Variants in GNA14 observed in about 807,000 individuals in gnomAD.
GNA14 encodes the protein guanine nucleotide-binding protein subunit alpha-14.
A neutral mutation model predicts 42.0 loss-of-function variants in GNA14; 50 were observed. The observed-to-expected ratio is 1.19, with a 90% CI of 0.95 to 1.51. The LOEUF (loss-of-function observed/expected upper bound fraction) is 1.51, where lower values mean the gene tolerates loss of function less well. Ranked by LOEUF, GNA14 falls within the 40% of genes most tolerant of loss-of-function variation. GNA14 has a pLI of 0.00. For missense variants in GNA14, 473 were observed against 446.2 expected (o/e 1.06, Z -0.54); for synonymous variants, 173 against 163.1 (o/e 1.06, Z -0.46).
At chr9:77,552,126 CAAAAAAAA>C (rs34493872) in intron 1 of GNA14, among the ~76,000 whole-genome samples, 17 of 85,092 alleles carry the variant, frequency 2.0e-4, no homozygotes, top group Admixed American at 1.3e-3. Context: ...AACTCCATCT[CAAAAAAAA>C]AAAAAAAAAA....
intron 2 of GNA14, among the ~76,000 whole-genome samples, chr9:77,444,989 C>T (rs1057374405): frequency 8.5e-5 from 13 of 152,232 alleles, no homozygotes; most frequent in Non-Finnish European, 1.5e-4. Context: ...TTCAGAATTA[C>T]AGCTATCCTT....
chr9:77,477,537 A>C (rs1046109692), intron 2 of GNA14, among the ~76,000 whole-genome samples: 63 of 152,296 alleles, frequency 4.1e-4, no homozygotes, highest in Middle Eastern at 3.4e-3. Flanking sequence ...TTGAAGTCTC[A>C]TAATAGGCCA....
At chr9:77,550,767 T>C (rs1837777665) in intron 1 of GNA14, among the ~76,000 whole-genome samples, 1 of 152,240 alleles carries the variant, frequency 6.6e-6, no homozygotes, top group South Asian at 2.1e-4. Context: ...TGAGATGGGC[T>C]TGACAAGGCT....
At chr9:77,602,497 A>T (rs1177191516) in intron 1 of GNA14, among the ~76,000 whole-genome samples, 1 of 152,148 alleles carries the variant, frequency 6.6e-6, no homozygotes, top group Non-Finnish European at 1.5e-5. Flanking sequence ...CTAGAATATT[A>T]CCCACTAGCC....
chr9:77,494,162 A>G (rs971083273), intron 2 of GNA14, among the ~76,000 whole-genome samples: 3 of 152,092 alleles, frequency 2.0e-5, no homozygotes, highest in East Asian at 1.9e-4. Context: ...AGCTCAGGCA[A>G]TCTGCCCACC....
At chr9:77,503,218 T>G (rs1837003558) in intron 2 of GNA14, among the ~76,000 whole-genome samples, 1 of 152,240 alleles carries the variant, frequency 6.6e-6, no homozygotes, top group Non-Finnish European at 1.5e-5. Context: ...TTTTTAATTC[T>G]CAAATAGGAC....
rs147744166 is a variant in GNA14 at position 77,528,123 on chromosome 9, T to C, written c.309+946A>G. Among the ~76,000 whole-genome samples, 7 of 152,294 alleles carry C rather than the reference T, an allele frequency of 4.6e-5. No individual in the cohort carries two copies. In the East Asian group the frequency reaches 1.3e-3, roughly 29 times the overall value. ...TAATCCCATAGAAATTTAAACTGAT[T>C]GCTTTAAAACTTTTTTTAATCATAT... On this transcript the variant is annotated intron_variant, in intron 2 of 6. Coordinates refer to ENST00000341700, the MANE Select transcript of GNA14 (RefSeq NM_004297.4).
chr9:77,563,603 A>G (rs62573419), intron 1 of GNA14, among the ~76,000 whole-genome samples: 6,660 of 152,216 alleles, frequency 0.044, 307 homozygotes, highest in African/African-American at 0.12. Flanking sequence ...CTCAGATGGC[A>G]CTAACACTGT....
chr9:77,479,111 G>A (rs1419530125), intron 2 of GNA14, among the ~76,000 whole-genome samples: 1 of 152,060 alleles, frequency 6.6e-6, no homozygotes, highest in Non-Finnish European at 1.5e-5. Context: ...CCTATGTCCT[G>A]AATGGTACTG....
At chr9:77,594,829 G>A (rs1262664837) in intron 1 of GNA14, among the ~76,000 whole-genome samples, 1 of 152,172 alleles carries the variant, frequency 6.6e-6, no homozygotes, top group African/African-American at 2.4e-5. Flanking sequence ...CGTGTGCATG[G>A]GAGAGCAGCC....
chr9:77,574,578 T>G (rs1312257432), intron 1 of GNA14, among the ~76,000 whole-genome samples: 1 of 152,254 alleles, frequency 6.6e-6, no homozygotes, highest in Non-Finnish European at 1.5e-5. Context: ...CATTTCTTTT[T>G]TCACTTAAAA....
At chr9:77,501,921 G>A (rs1836981065) in intron 2 of GNA14, among the ~76,000 whole-genome samples, 1 of 151,908 alleles carries the variant, frequency 6.6e-6, no homozygotes, top group African/African-American at 2.4e-5. Context: ...ATGTTGGCCA[G>A]GATGGTCGAT....
chr9:77,452,561 T>TGTG (rs1835922118), intron 2 of GNA14, among the ~76,000 whole-genome samples: 4 of 141,964 alleles, frequency 2.8e-5, no homozygotes, highest in Admixed American at 7.2e-5. Context: ...TGTGTGTGTG[T>TGTG]GTGTGTGTGT....
intron 1 of GNA14, among the ~76,000 whole-genome samples, chr9:77,607,676 A>AGCCCTAAGAAACAGTT (rs1370217454): frequency 2.6e-5 from 4 of 152,212 alleles, no homozygotes; most frequent in Non-Finnish European, 5.9e-5. Context: ...GTGGCTTAAC[A>AGCCCTAAGAAACAGTT]ACAGAAATTT....
At chr9:77,475,120 G>A (rs1457319133) in intron 2 of GNA14, among the ~76,000 whole-genome samples, 1 of 152,010 alleles carries the variant, frequency 6.6e-6, no homozygotes, top group East Asian at 1.9e-4. Flanking sequence ...CAGAGGCAAT[G>A]AAGAGACAAC....
At chr9:77,582,912 A>G (rs1823247219) in intron 1 of GNA14, among the ~76,000 whole-genome samples, 2 of 152,064 alleles carry the variant, frequency 1.3e-5, no homozygotes, top group Admixed American at 1.3e-4. Flanking sequence ...ACACTCAAAA[A>G]CCATTGACTG....
chr9:77,514,471 G>C (rs781353334), intron 2 of GNA14, among the ~76,000 whole-genome samples: 2 of 152,126 alleles, frequency 1.3e-5, no homozygotes, highest in Admixed American at 6.6e-5. Context: ...GGTCTGAAGT[G>C]GGAGAGATGC....
chr9:77,538,066 C>CTTT (rs35946811), intron 1 of GNA14, among the ~76,000 whole-genome samples: 2,294 of 138,468 alleles, frequency 0.017, 17 homozygotes, highest in Non-Finnish European at 0.025. Flanking sequence ...ACAGAAGCTT[C>CTTT]TTTTTTTTTT....
In GNA14 at chr9:77,494,565, T is replaced by C. The variant is rs1027720736; in HGVS notation, c.309+34504A>G. ...GAGAAAAAAGACCAGTTTGACTTTG[T>C]TTAACACTGTATTTCTTATACATAT... On this transcript the variant is annotated intron_variant, in intron 2 of 6. Transcript: ENST00000341700. Among the ~76,000 whole-genome samples the C allele has an allele frequency of 2.0e-5, 3 of 152,220 alleles. 1 individual carries two copies. The highest frequency in any genetic ancestry group is 2.0e-4 in the Admixed American group (3 of 15,282).
Sources: gnomAD v4.1 joint callset for allele counts (sites outside exome capture counted in the v4.1 genomes callset) on GRCh38, gnomAD v4.1.1 for gene constraint, MANE v1.5 for transcripts, NCBI Gene and HGNC (gene_info 2026-07-23, HGNC 2026-07-21) for gene names.